Variants in BCAR1 observed in about 807,000 individuals in gnomAD.
BCAR1 encodes BCAR1 scaffold protein, Cas family member, also known as breast cancer anti-estrogen resistance protein 1.
BCAR1 carries 30 observed loss-of-function variants against 67.6 expected under a neutral mutation model. That is an observed-to-expected ratio of 0.44 (90% confidence interval 0.33 to 0.60). BCAR1 has a LOEUF of 0.60. BCAR1 is among the 20% of genes least tolerant of loss of function. BCAR1 has a pLI of 0.02. For missense variants in BCAR1, 1,313 were observed against 1,222.3 expected, an observed-to-expected ratio of 1.07 and a Z score of -1.11; for synonymous variants, 626 against 556.7, an observed-to-expected ratio of 1.12 and a Z score of -1.75.
At chr16:75,232,249 C>T (rs1397510418) in intron 6 of BCAR1, among the ~76,000 whole-genome samples, 3 of 152,130 alleles carry the variant, frequency 2.0e-5, no homozygotes, top group African/African-American at 7.2e-5. Flanking sequence ...CAAGCTCCGC[C>T]TCCTGGGTTC....
At chr16:75,238,554 A>G in intron 2 of BCAR1, 1 of 989,562 alleles carries the variant, frequency 1.0e-6, no homozygotes, top group Non-Finnish European at 1.2e-6. Flanking sequence ...TGGGGGTGGC[A>G]GAGGCGCCAG....
At chr16:75,237,052 GA>G in intron 3 of BCAR1, 54 bp from the exon 4 acceptor site, 1 of 1,539,990 alleles carries the variant, frequency 6.5e-7, no homozygotes, top group Non-Finnish European at 8.8e-7. Flanking sequence ...GGGGGAATAG[GA>G]AAGGTGGGAA....
chr16:75,262,106 T>C (rs188843576), intron 1 of BCAR1, among the ~76,000 whole-genome samples: 66 of 152,162 alleles, frequency 4.3e-4, no homozygotes, highest in Non-Finnish European at 7.6e-4. Flanking sequence ...GCCCTTGACC[T>C]TGACCCACCA....
At chr16:75,258,923 GA>G (rs375555248) in intron 1 of BCAR1, among the ~76,000 whole-genome samples, 5 of 152,170 alleles carry the variant, frequency 3.3e-5, no homozygotes, top group African/African-American at 4.8e-5. Context: ...GATGGCCAGG[GA>G]AAAAAAGAGG....
intron 5 of BCAR1, 70 bp downstream of exon 5, chr16:75,234,819 C>T: frequency 6.6e-7 from 1 of 1,505,788 alleles, no homozygotes; most frequent in Non-Finnish European, 8.9e-7. Flanking sequence ...CAGCTGAGAA[C>T]AAATCTCCCC....
Position 75,264,577 on chromosome 16 carries a change from A to T in BCAR1, c.66+3338T>A. 3 of 1,311,752 alleles carry T rather than the reference A, an allele frequency of 2.3e-6. No homozygotes were observed. In the East Asian group the frequency reaches 8.4e-5, roughly 37 times the overall value. 81.3% of individuals were successfully genotyped at this position (1,311,752 alleles called of 1,614,324 possible). ...CGGATGGCGGGGCTCACATCAGCACAGTCTGGAAGCCCTCATTTTTTCATC... is the reference window on the plus strand; with the variant it reads ...CGGATGGCGGGGCTCACATCAGCACTGTCTGGAAGCCCTCATTTTTTCATC... On this transcript the variant is annotated intron_variant, in intron 1 of 6. Transcript: ENST00000393422.
rs375790546 is a variant in BCAR1, at chr16:75,245,918, C to G, written c.13-2828G>C. The stretch of plus-strand genomic sequence containing the variant: ...CAAATCCCTTAGCCTCTCTGAGCAT[C>G]TAGATCCTCTCTGCTGGATGACAGC... On this transcript the variant is annotated intron_variant, in intron 1 of 6. Transcript: ENST00000162330. 1.4e-4 allele frequency: 20 copies of G among 145,676 alleles called. 2 individuals carry two copies. The highest frequency in any genetic ancestry group is 6.4e-4 in the Admixed American group (9 of 14,100). 9.0% of individuals were successfully genotyped at this position (145,676 alleles called of 1,614,324 possible). A position where few individuals can be genotyped will look rare whatever the true frequency, so the allele number is the denominator to read the frequency against.
intron 5 of BCAR1, 150 bp from the exon 6 acceptor site, chr16:75,234,085 TAGCACACGTGGACACACACACACACACA>T (rs1293597855): frequency 5.9e-6 from 4 of 678,136 alleles, no homozygotes; most frequent in Admixed American, 4.5e-5. Context: ...ACACACACAC[TAGCACACGTGGACACACACACACACACA>T]AGCACACGTG....
At chr16:75,252,671 G>A (rs558684500), upstream of BCAR1, among the ~76,000 whole-genome samples, 2 of 152,342 alleles carry the variant, frequency 1.3e-5, no homozygotes, top group African/African-American at 4.8e-5. Context: ...CAGCCCTGGT[G>A]GCAGGGAAGC....
In BCAR1 at chr16:75,235,955, T is replaced by A; in HGVS notation, c.944A>T (p.Asp315Val). Reference sequence around the variant, plus strand: ...ACGCAGCAGTGGGCCATCGGGCACATCCTTGCTCACCGATGGAGGAACGTC... The same window carrying A: ...ACGCAGCAGTGGGCCATCGGGCACAACCTTGCTCACCGATGGAGGAACGTC... The part of the protein sequence containing the change: ...VYDVPPSVSK[D>V]VPDGPLLREE... Residue 315 changes from aspartate to valine, a missense_variant, in exon 5 of 7, where the codon GAT becomes GTT. This residue lies in a region of BCAR1 where 1,272 missense variants were observed against 1,137.5 expected (regional missense o/e 1.12). Coordinates refer to ENST00000162330, the MANE Select transcript of BCAR1 (RefSeq NM_014567.5). The A allele has an allele frequency of 6.3e-7, 1 of 1,575,826 alleles. No individual in the cohort carries two copies. The highest frequency in any genetic ancestry group is 8.6e-7 in the Non-Finnish European group (1 of 1,160,060).
At chr16:75,234,510 A>C (rs1273396982) in intron 5 of BCAR1, among the ~76,000 whole-genome samples, 5 of 151,998 alleles carry the variant, frequency 3.3e-5, no homozygotes, top group African/African-American at 9.6e-5. Flanking sequence ...CAGGACTCCC[A>C]CCCGGCTAGC....
rs760791843 is a variant in BCAR1 at position 75,235,823 on chromosome 16, T to C, written c.1076A>G (p.Glu359Gly). The C allele has an allele frequency of 8.9e-6, 14 of 1,580,326 alleles. No individual in the cohort carries two copies. In the South Asian group the frequency reaches 1.1e-4, roughly 13 times the overall value. ...CGGGGGCGGCACGTCATACACGTCCTCGGCCGGCGGGGAGTCTGGAGGGGG... is the reference window on the plus strand; with the variant it reads ...CGGGGGCGGCACGTCATACACGTCCCCGGCCGGCGGGGAGTCTGGAGGGGG... ...AAPPPDSPPA[E>G]DVYDVPPPAP... Residue 359 changes from glutamate (E) to glycine (G), a missense_variant, in exon 5 of 7, where the codon GAG becomes GGG. Coordinates refer to ENST00000162330, the MANE Select transcript of BCAR1 (RefSeq NM_014567.5).
chr16:75,258,839 G>A (rs1372758438), intron 1 of BCAR1, among the ~76,000 whole-genome samples: 3 of 152,188 alleles, frequency 2.0e-5, no homozygotes, highest in Non-Finnish European at 4.4e-5. Context: ...AGTGGTGTGT[G>A]CCTCCTGGGC....
At chr16:75,234,474 C>T (rs193025967) in intron 5 of BCAR1, among the ~76,000 whole-genome samples, 3 of 152,292 alleles carry the variant, frequency 2.0e-5, no homozygotes, top group Admixed American at 2.0e-4. Flanking sequence ...CCTCTCTGGC[C>T]CAGCTCAGCC....
intron 2 of BCAR1, among the ~76,000 whole-genome samples, chr16:75,237,865 C>A (rs1567599507): frequency 6.6e-6 from 1 of 152,160 alleles, no homozygotes; most frequent in Admixed American, 6.5e-5. Context: ...GAGCCTAGCA[C>A]CCCCTGCCCC....
At chr16:75,264,343 T>G in intron 1 of BCAR1, 1 of 1,515,096 alleles carries the variant, frequency 6.6e-7, no homozygotes, top group East Asian at 2.5e-5. Context: ...ACTACTGCCC[T>G]GGGATACCGG....
chr16:75,242,763 C>T lies in BCAR1; in HGVS notation c.340G>A (p.Val114Ile), dbSNP rs373512428. The T allele has an allele frequency of 2.5e-5, 40 of 1,595,176 alleles. No homozygotes were observed. The highest frequency in any genetic ancestry group is 5.1e-5 in the Admixed American group (3 of 58,476). ...TTGCTGGGAGTGGGCACCAGGTAGA[C>T]GCTGTCTGGCTGGGGCTGGTAGGTG... is the stretch of plus-strand genomic sequence containing the variant. ...PNTYQPQPDS[V>I]YLVPTPSKAQ... Residue 114 changes from valine to isoleucine, a missense_variant, in exon 2 of 7, where the codon GTC (valine) becomes ATC (isoleucine). By Grantham distance (29) the Val-to-Ile change is conservative. This residue lies in a region of BCAR1 where 1,272 missense variants were observed against 1,137.5 expected (regional missense o/e 1.12). Coordinates refer to ENST00000162330, the MANE Select transcript of BCAR1 (RefSeq NM_014567.5).
rs750288253 is a variant in BCAR1, at chr16:75,229,704, T to C, written c.2420A>G (p.Asp807Gly). 6.2e-7 allele frequency: 1 copy of C among 1,612,844 alleles called. No homozygotes were observed. Among genetic ancestry groups the C allele is most frequent in the African/African-American group, 1.3e-5 (1 of 74,948 alleles). ...GTAGTGGGTCACCTGGCTGCGCACG[T>C]CAGCAGCCTTGGCCTGCCGTGACAG... ...DTLSRQAKAA[D>G]VRSQVTHYSN... Residue 807 changes from aspartate to glycine, a missense_variant, in exon 7 of 7, where the codon GAC (aspartate) becomes GGC (glycine). Transcript: ENST00000162330.
Position 75,245,310 on chromosome 16 carries a change from T to G in BCAR1, c.13-2220A>C, listed in dbSNP as rs1259141665. On this transcript the variant is annotated intron_variant, in intron 1 of 6. Transcript: ENST00000162330. ...CCCCTGCCCTGGTGACCACAGGAAGTGCCAGCAGAGTGAGTCACAGGAAAA... is the reference window on the plus strand; with the variant it reads ...CCCCTGCCCTGGTGACCACAGGAAGGGCCAGCAGAGTGAGTCACAGGAAAA... Among the ~76,000 whole-genome samples the G allele has an allele frequency of 3.9e-5, 6 of 152,148 alleles. 1 individual carries two copies. In the East Asian group the frequency reaches 1.2e-3, roughly 29 times the overall value.
Sources: allele counts gnomAD v4.1 joint callset (sites outside exome capture counted in the v4.1 genomes callset), GRCh38; gene constraint gnomAD v4.1.1; regional missense constraint gnomAD v4.1.1; transcripts MANE v1.5; gene names NCBI Gene and HGNC (gene_info 2026-07-23, HGNC 2026-07-21).